The following ABCA9 variants were observed in gnomAD, a reference collection of about 807,000 sequenced individuals.
ABCA9 encodes ATP-binding cassette sub-family A member 9.
A neutral mutation model predicts 205.3 loss-of-function variants in ABCA9; 183 were observed. The observed-to-expected ratio is 0.89, with a 90% CI of 0.79 to 1.01. The LOEUF is 1.01. Ranked by LOEUF, ABCA9 falls within the 50% of genes least tolerant of loss-of-function variation. ABCA9 has a pLI of 0.00. For synonymous variants in ABCA9, 651 were observed against 683.3 expected, an observed-to-expected ratio of 0.95 and a Z score of 0.74; for missense variants, 1,805 against 1,912.4, an observed-to-expected ratio of 0.94 and a Z score of 1.05.
chr17:68,983,575 A>G (rs1471418113), intron 36 of ABCA9, 134 bp downstream of exon 36: 11 of 1,276,132 alleles, frequency 8.6e-6, no homozygotes, highest in Non-Finnish European at 1.2e-5. Context: ...TTGGAATTGA[A>G]TTTCTCTTAA....
intron 25 of ABCA9, among the ~76,000 whole-genome samples, chr17:69,003,146 T>C (rs2069955369): frequency 6.6e-6 from 1 of 151,776 alleles, no homozygotes; most frequent in Non-Finnish European, 1.5e-5. Flanking sequence ...ATGTGTGAAT[T>C]TGGTCCTGTC....
chr17:69,016,706 A>G (rs1280332672), intron 21 of ABCA9, among the ~76,000 whole-genome samples: 3 of 152,146 alleles, frequency 2.0e-5, no homozygotes, highest in African/African-American at 7.2e-5. Context: ...TAACCTGGCT[A>G]TAGACTTTGT....
intron 6 of ABCA9, among the ~76,000 whole-genome samples, chr17:69,041,686 G>A (rs1391259124): frequency 4.1e-5 from 6 of 145,090 alleles, no homozygotes; most frequent in Non-Finnish European, 7.5e-5. Flanking sequence ...CCTGGGTGAC[G>A]GAGCAAGACT....
intron 10 of ABCA9, 114 bp from the exon 11 acceptor site, chr17:69,029,341 G>A: frequency 4.9e-6 from 3 of 612,988 alleles, no homozygotes; most frequent in Non-Finnish European, 8.1e-6. Context: ...TTCTTTTCTT[G>A]TAAAGCCTCA....
At chr17:68,978,888 G>C (rs1242842380) in intron 37 of ABCA9, among the ~76,000 whole-genome samples, 5 of 152,098 alleles carry the variant, frequency 3.3e-5, no homozygotes, top group Non-Finnish European at 7.4e-5. Flanking sequence ...AGACAGGGAT[G>C]CCCTCTCTCA....
In ABCA9 at chr17:68,976,196, T is replaced by G; in HGVS notation, c.4721-6A>C. 6.2e-7 allele frequency: 1 copy of G among 1,613,140 alleles called. No individual in the cohort carries two copies. The highest frequency in any genetic ancestry group is 2.2e-5 in the East Asian group (1 of 44,886). ...CAGGTCGAAACTCTGTTTAACTGCATAAGAATGAGCATACATTAGGAATTC... is the reference window on the plus strand; with the variant it reads ...CAGGTCGAAACTCTGTTTAACTGCAGAAGAATGAGCATACATTAGGAATTC... On this transcript the variant is annotated splice_region_variant and splice_polypyrimidine_tract_variant and intron_variant, in intron 37 of 38. Transcript: ENST00000340001.
intron 31 of ABCA9, chr17:68,986,692 A>G (rs574645334): frequency 7.3e-5 from 12 of 164,142 alleles, no homozygotes; most frequent in African/African-American, 7.1e-5. Context: ...TTATCTTGCA[A>G]TAAGGCAGTG....
At chr17:69,073,072 C>T in the ABCA9 span, among the ~76,000 whole-genome samples, 1 of 152,088 alleles carries the variant, frequency 6.6e-6, no homozygotes, top group African/African-American at 2.4e-5. Context: ...TATATGCATC[C>T]AATACAGGAG....
At chr17:69,065,056 G>T (rs1289431015), upstream of ABCA9, among the ~76,000 whole-genome samples, 2 of 152,102 alleles carry the variant, frequency 1.3e-5, no homozygotes, top group East Asian at 3.8e-4. Flanking sequence ...TAAGTTTGAG[G>T]TTTTTTTGTT....
intron 2 of ABCA9, among the ~76,000 whole-genome samples, chr17:69,049,946 A>C (rs532113046): frequency 2.2e-4 from 33 of 152,220 alleles, no homozygotes; most frequent in Admixed American, 5.2e-4. Flanking sequence ...TCATAAAAAA[A>C]CAAAGTTTTT....
In ABCA9 at chr17:69,020,478, C is replaced by CTGAT. The variant is rs764241840; in HGVS notation, c.2506_2509dup (p.Ser837AsnfsTer39). 6.2e-7 allele frequency: 1 copy of CTGAT among 1,614,102 alleles called. No homozygotes were observed. The highest frequency in any genetic ancestry group is 8.5e-7 in the Non-Finnish European group (1 of 1,179,978). On this transcript the variant is annotated frameshift_variant, in exon 19 of 39. Coordinates refer to ENST00000340001, the MANE Select transcript of ABCA9 (RefSeq NM_080283.4). LOFTEE classifies it high-confidence loss of function. Reference sequence around the variant, plus strand: ...CTGCTGCCTCCAGAGCGCCACGCCACTGATTGTTTTCCTTGTTTCGTGGAA... The same window carrying CTGAT: ...CTGCTGCCTCCAGAGCGCCACGCCACTGATTGATTGTTTTCCTTGTTTCGTGGAA...
At chr17:69,018,209 A>C in intron 20 of ABCA9, 1 of 472,536 alleles carries the variant, frequency 2.1e-6, no homozygotes, top group Non-Finnish European at 3.6e-6. Flanking sequence ...AACAAACATT[A>C]AGGTTAAGTA....
In ABCA9 at chr17:69,020,264, C is replaced by CTTTG; in HGVS notation, c.2600+120_2600+123dup. 3.4e-6 allele frequency: 3 copies of CTTTG among 894,552 alleles called. No individual in the cohort carries two copies. In the East Asian group the frequency reaches 8.2e-5, roughly 24 times the overall value. The allele number at this position is 894,552 out of a possible 1,614,324, so 55.4% of individuals were successfully genotyped here. A position where few individuals can be genotyped will look rare whatever the true frequency, so the allele number is the denominator to read the frequency against. On this transcript the variant is annotated intron_variant, in intron 19 of 38. Transcript: ENST00000340001. ...GGTTTCTTTAATTAAAAAATGATTT[C>CTTTG]TTTGTTTAAAAGACAATGTGCATTT... is the stretch of plus-strand genomic sequence containing the variant.
At position 69,016,354 on chromosome 17, in the gene ABCA9, G is replaced by C; in HGVS notation, c.2938C>G (p.Leu980Val). ...RFSIACNTKRLNCFPVLLDVI... is the reference protein window; with the variant it reads ...RFSIACNTKRVNCFPVLLDVI... ...TCCAGGAGGACAGGAAAGCAATTCA[G>C]CCGTTTTGTATTACATGCTATTGAA... is the stretch of plus-strand genomic sequence containing the variant. The change falls in exon 22 of 39, where the codon CTG (leucine) becomes GTG (valine). Residue 980 changes from leucine to valine, a missense_variant. Leu to Val is a conservative substitution (Grantham distance 32, BLOSUM62 1). Transcript: ENST00000340001. 6.2e-7 allele frequency: 1 copy of C among 1,603,106 alleles called. No individual in the cohort carries two copies. Among genetic ancestry groups the C allele is most frequent in the Non-Finnish European group, 8.5e-7 (1 of 1,176,178 alleles).
intron 1 of ABCA9, among the ~76,000 whole-genome samples, chr17:69,051,344 T>C (rs2071894543): frequency 6.6e-6 from 1 of 152,246 alleles, no homozygotes; most frequent in East Asian, 1.9e-4. Flanking sequence ...AACTATCAGA[T>C]ATTATTTCTC....
rs1182583677 is a variant in ABCA9 at position 68,984,956 on chromosome 17, C to T, written c.4308G>A (p.Leu1436=). ...KRKLCFVLSI[L]GNPSVVLLDE... is the part of the protein sequence containing the mutation. ...CCAGAAGCACCACTGACGGGTTCCC[C>T]AGGATGCTCAGCACAAAGCACAGCT... Residue 1436 remains leucine (L), a synonymous_variant, in exon 34 of 39, where the codon CTG becomes CTA. Coordinates refer to ENST00000340001, the MANE Select transcript of ABCA9 (RefSeq NM_080283.4). The T allele has an allele frequency of 6.2e-7, 1 of 1,614,192 alleles. No homozygotes were observed. The highest frequency in any genetic ancestry group is 1.1e-5 in the South Asian group (1 of 91,082).
chr17:69,018,590 G>T lies in ABCA9; in HGVS notation c.2601-11C>A. The T allele has an allele frequency of 6.5e-7, 1 of 1,542,102 alleles. No homozygotes were observed. Among genetic ancestry groups the T allele is most frequent in the Non-Finnish European group, 8.7e-7 (1 of 1,153,492 alleles). ...CCAAAAAGCAATAATCTATGCAGAG[G>T]AAAATGTAAAAGAAAAAAATAATTT... On this transcript the variant is annotated splice_polypyrimidine_tract_variant and intron_variant, in intron 19 of 38. Transcript: ENST00000340001.
chr17:69,055,443 A>G (rs1302467739), intron 1 of ABCA9, among the ~76,000 whole-genome samples: 2 of 152,342 alleles, frequency 1.3e-5, no homozygotes, highest in Middle Eastern at 6.8e-3. Flanking sequence ...GAGAAGTTAC[A>G]TAAAGTTAAA....
chr17:69,018,256 T>G, intron 20 of ABCA9, 157 bp downstream of exon 20: 5 of 584,026 alleles, frequency 8.6e-6, no homozygotes, highest in Non-Finnish European at 1.1e-5. Context: ...AACTCTCCCA[T>G]GTCGTATTTT....
Sources: allele counts gnomAD v4.1 joint callset (sites outside exome capture counted in the v4.1 genomes callset), GRCh38; gene constraint gnomAD v4.1.1; transcripts MANE v1.5; gene names NCBI Gene and HGNC (gene_info 2026-07-23, HGNC 2026-07-21).